Variants in CLPB observed in about 807,000 individuals in gnomAD.
CLPB encodes the protein ClpB family mitochondrial disaggregase.
CLPB carries 40 observed loss-of-function variants against 78.4 expected under a neutral mutation model. The ratio of observed to expected loss-of-function variants is 0.51; its 90% CI spans 0.40 to 0.66. CLPB has a LOEUF of 0.66. Ranked by LOEUF, CLPB falls within the 30% of genes least tolerant of loss-of-function variation. The pLI is 0.00. For missense variants in CLPB, 780 were observed against 886.9 expected, an observed-to-expected ratio of 0.88 and a Z score of 1.53; for synonymous variants, 333 against 348.0, an observed-to-expected ratio of 0.96 and a Z score of 0.48.
intron 3 of CLPB, among the ~76,000 whole-genome samples, chr11:72,399,889 G>T (rs1855513151): frequency 6.6e-6 from 1 of 152,104 alleles, no homozygotes; most frequent in Admixed American, 6.6e-5. Flanking sequence ...TTCTAATAAG[G>T]AAAAACTTAT....
chr11:72,352,391 T>C (rs1309789829), intron 5 of CLPB: 1 of 152,304 alleles, frequency 6.6e-6, no homozygotes, highest in Non-Finnish European at 1.5e-5. Flanking sequence ...TGACCTTCAA[T>C]ATTAGCTCCT....
rs1022728092 is a variant in CLPB at position 72,295,561 on chromosome 11, C to T, written c.1417G>A (p.Ala473Thr). 5 of 1,614,160 alleles carry T rather than the reference C, an allele frequency of 3.1e-6. No homozygotes were observed. In the South Asian group the frequency reaches 3.3e-5, roughly 11 times the overall value. Residue 473 changes from alanine to threonine, a missense_variant, in exon 12 of 16, where the codon GCA becomes ACA. Ala to Thr is a moderately conservative substitution (Grantham distance 58). Around this residue, in one of 3 missense-constraint regions of CLPB, gnomAD observed 272 missense variants for 304.0 expected, o/e 0.89. Transcript: ENST00000538039. ...MTSNVASDEI[A>T]QHALQLRQEA... ...TGCCTCAGCTGCAGCGCGTGCTGTG[C>T]GATCTCGTCGCTGGCCACATTGGAG...
At chr11:72,299,968 C>T (rs1246639242) in intron 11 of CLPB, among the ~76,000 whole-genome samples, 1 of 152,182 alleles carries the variant, frequency 6.6e-6, no homozygotes, top group Non-Finnish European at 1.5e-5. Flanking sequence ...CCAAGAATGC[C>T]ATCAGAGGTG....
chr11:72,401,936 C>A (rs77797888), intron 3 of CLPB, among the ~76,000 whole-genome samples: 2,195 of 152,182 alleles, frequency 0.014, 54 homozygotes, highest in East Asian at 0.064. Flanking sequence ...TATCTGGCAT[C>A]GGGAGGTAGC....
chr11:72,380,656 T>A (rs1237290968), intron 3 of CLPB, among the ~76,000 whole-genome samples: 1 of 152,116 alleles, frequency 6.6e-6, no homozygotes, highest in Non-Finnish European at 1.5e-5. Flanking sequence ...CTGGGCAACA[T>A]AGTGAAACTT....
chr11:72,424,979 C>T (rs1026090031), intron 2 of CLPB, among the ~76,000 whole-genome samples: 4 of 152,046 alleles, frequency 2.6e-5, no homozygotes, highest in African/African-American at 7.2e-5. Context: ...GGGAAGCTGA[C>T]GTATGAATAT....
chr11:72,324,306 GC>G (rs1950095185), intron 6 of CLPB, among the ~76,000 whole-genome samples: 1 of 152,168 alleles, frequency 6.6e-6, no homozygotes. Context: ...GGTGGCTCAT[GC>G]CTATAATCCC....
At chr11:72,432,727 G>A (rs965257571) in intron 1 of CLPB, among the ~76,000 whole-genome samples, 2 of 152,162 alleles carry the variant, frequency 1.3e-5, no homozygotes, top group African/African-American at 2.4e-5. Context: ...GAGGACCCGT[G>A]AGGAGAAGCA....
intron 4 of CLPB, among the ~76,000 whole-genome samples, chr11:72,370,938 A>G (rs761820790): frequency 5.9e-5 from 9 of 152,154 alleles, no homozygotes; most frequent in Non-Finnish European, 8.8e-5. Flanking sequence ...ATCTGGTCCT[A>G]TTCTACTAAT....
chr11:72,373,089 A>G, intron 4 of CLPB: 1 of 1,298,790 alleles, frequency 7.7e-7, no homozygotes, highest in East Asian at 2.3e-5. Flanking sequence ...GGAAGGGGGC[A>G]CTCAGGCTGG....
At chr11:72,355,124 G>C (rs975257848) in intron 5 of CLPB, 5 of 152,226 alleles carry the variant, frequency 3.3e-5, no homozygotes, top group Non-Finnish European at 5.9e-5. Flanking sequence ...TGACTTCAAA[G>C]CTTGTTTCTT....
chr11:72,403,578 C>T (rs1855625570), intron 2 of CLPB, among the ~76,000 whole-genome samples: 1 of 152,154 alleles, frequency 6.6e-6, no homozygotes. Flanking sequence ...TGCCTAATGA[C>T]ATGTCTTATC....
At position 72,418,368 on chromosome 11, in the gene CLPB, A is replaced by G. The variant is rs369696390; in HGVS notation, c.455+11944T>C. On this transcript the variant is annotated intron_variant, in intron 2 of 15. Coordinates refer to ENST00000538039, the MANE Select transcript of CLPB (RefSeq NM_001258392.3). ...AACTGAAGAGAAAAGTGAAGAGATG[A>G]ATCAGTAAACATGACACAGCAATGG... is the stretch of plus-strand genomic sequence containing the variant. 2.0e-4 allele frequency among the ~76,000 whole-genome samples: 31 copies of G among 152,370 alleles called. No homozygotes were observed. The South Asian group carries it at 5.4e-3, about 26-fold the overall frequency.
intron 4 of CLPB, among the ~76,000 whole-genome samples, chr11:72,364,551 A>T (rs1333279015): frequency 6.6e-6 from 1 of 151,622 alleles, no homozygotes; most frequent in African/African-American, 2.4e-5. Flanking sequence ...AGAGAGATGG[A>T]GTCTACCTAT....
chr11:72,420,521 A>G (rs1479365255), intron 2 of CLPB, among the ~76,000 whole-genome samples: 1 of 152,122 alleles, frequency 6.6e-6, no homozygotes, highest in African/African-American at 2.4e-5. Flanking sequence ...ACTTTCAATA[A>G]TATTCAGTGA....
rs1949403354 is a variant in CLPB, at chr11:72,287,405, G to A, written c.*5962C>T. ...GGCTCACTGCAACCTCTGCCTCCTGGGCTTAAACCATCTTCCCCACCTCAG... is the reference window on the plus strand; with the variant it reads ...GGCTCACTGCAACCTCTGCCTCCTGAGCTTAAACCATCTTCCCCACCTCAG... On this transcript the variant is annotated 3_prime_UTR_variant, in exon 16 of 16. Coordinates refer to ENST00000538039, the MANE Select transcript of CLPB (RefSeq NM_001258392.3). 2 of 152,110 alleles carry A rather than the reference G, an allele frequency of 1.3e-5. No homozygotes were observed. Among genetic ancestry groups the A allele is most frequent in the Non-Finnish European group, 2.9e-5 (2 of 68,044 alleles). 9.4% of individuals were successfully genotyped at this position (152,110 alleles called of 1,614,324 possible).
intron 11 of CLPB, among the ~76,000 whole-genome samples, chr11:72,297,710 C>A (rs1169421497): frequency 8.5e-6 from 1 of 117,248 alleles, no homozygotes; most frequent in Admixed American, 9.2e-5. Context: ...TGTGACATGT[C>A]CAAGCATGTG....
At chr11:72,321,111 G>C (rs1427368847) in intron 6 of CLPB, among the ~76,000 whole-genome samples, 1 of 152,168 alleles carries the variant, frequency 6.6e-6, no homozygotes, top group Non-Finnish European at 1.5e-5. Flanking sequence ...ATTTGGAGAA[G>C]AGGAGAAAGA....
intron 2 of CLPB, among the ~76,000 whole-genome samples, chr11:72,419,774 C>T (rs1310060169): frequency 4.6e-5 from 7 of 152,218 alleles, no homozygotes; most frequent in Non-Finnish European, 1.0e-4. Flanking sequence ...GGAAATCTGG[C>T]TGTCACAGGC....
Sources: gnomAD v4.1 joint callset for allele counts (sites outside exome capture counted in the v4.1 genomes callset) on GRCh38, gnomAD v4.1.1 for gene constraint, gnomAD v4.1.1 regional missense constraint, MANE v1.5 for transcripts, NCBI Gene and HGNC (gene_info 2026-07-23, HGNC 2026-07-21) for gene names.